The following UHRF2 variants were observed in gnomAD, a reference collection of about 807,000 sequenced individuals.
UHRF2 encodes the protein E3 ubiquitin-protein ligase UHRF2.
UHRF2 carries 23 observed loss-of-function variants against 96.8 expected under a neutral mutation model. That is an observed-to-expected ratio of 0.24 (90% CI 0.17 to 0.34). UHRF2 has a LOEUF of 0.34. Among genes scored for constraint, UHRF2 ranks in the 10% least tolerant of loss-of-function variants. The pLI is 1.00. For synonymous variants in UHRF2, 385 were observed against 332.6 expected (o/e 1.16, Z -1.72); for missense variants, 685 against 981.5 (o/e 0.70, Z 4.04).
chr9:6,472,843 C>G (rs1270964649), intron 4 of UHRF2, among the ~76,000 whole-genome samples: 2 of 152,042 alleles, frequency 1.3e-5, no homozygotes, highest in African/African-American at 4.8e-5. Flanking sequence ...TCCTTAAGAA[C>G]TGGGATTTTT....
intron 4 of UHRF2, among the ~76,000 whole-genome samples, chr9:6,470,070 C>G (rs55849474): frequency 3.3e-5 from 5 of 152,142 alleles, no homozygotes; most frequent in African/African-American, 4.8e-5. Context: ...TGTGAAAATA[C>G]TAATTTAAAA....
chr9:6,425,181 C>A (rs1285234009), intron 2 of UHRF2, among the ~76,000 whole-genome samples: 1 of 152,218 alleles, frequency 6.6e-6, no homozygotes, highest in African/African-American at 2.4e-5. Context: ...AGAGTATCTA[C>A]AAAAAATTAT....
At chr9:6,476,422 T>C (rs777594324) in intron 5 of UHRF2, among the ~76,000 whole-genome samples, 25 of 152,218 alleles carry the variant, frequency 1.6e-4, no homozygotes, top group Non-Finnish European at 3.4e-4. Context: ...TAGTGCTGAT[T>C]GAGCCTTGAA....
chr9:6,506,356 CTT>C lies in UHRF2; in HGVS notation c.*180_*181del. The stretch of plus-strand genomic sequence containing the variant: ...AGTAAGAGGCCCATTTCTCAACTGT[CTT>C]TTAAATATCTAAAGGTAGTTCCTGT... On this transcript the variant is annotated 3_prime_UTR_variant, in exon 16 of 16. Coordinates refer to ENST00000276893, the MANE Select transcript of UHRF2 (RefSeq NM_152896.3). 2 of 728,522 alleles carry C rather than the reference CTT, an allele frequency of 2.7e-6. No homozygotes were observed. Among genetic ancestry groups the C allele is most frequent in the African/African-American group, 1.8e-5 (1 of 55,922 alleles). The allele number at this position is 728,522 out of a possible 1,614,324, so 45.1% of individuals were successfully genotyped here.
At chr9:6,493,992 G>A (rs915961269) in intron 10 of UHRF2, 60 bp downstream of exon 10, 11 of 1,431,254 alleles carry the variant, frequency 7.7e-6, no homozygotes, top group Non-Finnish European at 1.1e-5. Context: ...TTATAGGACT[G>A]TAAATTGTAA....
At chr9:6,434,555 C>G (rs938114692) in intron 3 of UHRF2, among the ~76,000 whole-genome samples, 3 of 152,028 alleles carry the variant, frequency 2.0e-5, no homozygotes. Flanking sequence ...TCTCCTGCCT[C>G]AGCCTCCCAA....
intron 6 of UHRF2, among the ~76,000 whole-genome samples, chr9:6,480,377 C>T (rs1823849249): frequency 6.6e-6 from 1 of 152,194 alleles, no homozygotes; most frequent in South Asian, 2.1e-4. Context: ...CATTTATCCC[C>T]AGCACGAAAA....
chr9:6,500,321 A>T (rs1816220425), intron 13 of UHRF2, among the ~76,000 whole-genome samples: 1 of 152,192 alleles, frequency 6.6e-6, no homozygotes, highest in Non-Finnish European at 1.5e-5. Flanking sequence ...GACTTAAATG[A>T]AAGCAAAGGA....
At chr9:6,458,731 G>C (rs1188623227) in intron 3 of UHRF2, among the ~76,000 whole-genome samples, 1 of 152,074 alleles carries the variant, frequency 6.6e-6, no homozygotes, top group Non-Finnish European at 1.5e-5. Flanking sequence ...ATACCCAAAG[G>C]ATTATAAATC....
At chr9:6,488,981 T>G (rs1025590859) in intron 9 of UHRF2, among the ~76,000 whole-genome samples, 3 of 152,026 alleles carry the variant, frequency 2.0e-5, no homozygotes, top group Non-Finnish European at 4.4e-5. Context: ...GACTAATTTT[T>G]GTATTTTTAG....
intron 6 of UHRF2, 97 bp from the exon 7 acceptor site, chr9:6,481,546 A>C (rs1357689095): frequency 7.8e-6 from 11 of 1,402,618 alleles, no homozygotes; most frequent in Non-Finnish European, 1.1e-5. Context: ...CAAATAATAC[A>C]TCTTAAAACT....
intron 2 of UHRF2, among the ~76,000 whole-genome samples, chr9:6,422,272 G>A (rs1186712385): frequency 1.3e-5 from 2 of 151,724 alleles, no homozygotes; most frequent in African/African-American, 4.8e-5. Context: ...AGTAGAGACG[G>A]GATTTTACCA....
chr9:6,482,651 C>G (rs958854191), intron 8 of UHRF2, among the ~76,000 whole-genome samples: 1 of 147,374 alleles, frequency 6.8e-6, no homozygotes, highest in Non-Finnish European at 1.5e-5. Context: ...GGCTGGAGTG[C>G]AGTGGTGCGA....
At chr9:6,433,875 AAAATT>A (rs1194958944) in intron 2 of UHRF2, 34 bp from the exon 3 acceptor site, 1 of 1,578,502 alleles carries the variant, frequency 6.3e-7, no homozygotes, top group South Asian at 1.2e-5. Flanking sequence ...AGCAGTAGAC[AAAATT>A]AAGCTTCATT....
At chr9:6,446,099 C>G (rs771253964) in intron 3 of UHRF2, among the ~76,000 whole-genome samples, 1 of 150,122 alleles carries the variant, frequency 6.7e-6, no homozygotes, top group African/African-American at 2.5e-5. Flanking sequence ...CTCAGGTGAT[C>G]CTCCTGCCTT....
intron 1 of UHRF2, among the ~76,000 whole-genome samples, chr9:6,414,754 C>A (rs1819494171): frequency 6.6e-6 from 1 of 152,130 alleles, no homozygotes; most frequent in Admixed American, 6.6e-5. Context: ...GCTTAGTCTT[C>A]GAAGACTGTC....
intron 4 of UHRF2, among the ~76,000 whole-genome samples, chr9:6,473,307 G>T (rs1823363325): frequency 1.3e-5 from 2 of 152,190 alleles, no homozygotes; most frequent in Non-Finnish European, 2.9e-5. Flanking sequence ...TAGTAACACA[G>T]TCAGTATGGA....
intron 4 of UHRF2, among the ~76,000 whole-genome samples, chr9:6,464,863 G>A (rs2130859390): frequency 6.6e-6 from 1 of 152,122 alleles, no homozygotes; most frequent in African/African-American, 2.4e-5. Context: ...TCTTAGCTCT[G>A]TGTACTTCCA....
chr9:6,506,403 T>G lies in UHRF2; in HGVS notation c.*224T>G. 1 of 441,404 alleles carries G rather than the reference T, an allele frequency of 2.3e-6. No homozygotes were observed. Among genetic ancestry groups the G allele is most frequent in the East Asian group, 4.1e-5 (1 of 24,584 alleles). 27.3% of individuals were successfully genotyped at this position (441,404 alleles called of 1,614,324 possible). A position where few individuals can be genotyped will look rare whatever the true frequency, so the allele number is the denominator to read the frequency against. On this transcript the variant is annotated 3_prime_UTR_variant, in exon 16 of 16. Coordinates refer to ENST00000276893, the MANE Select transcript of UHRF2 (RefSeq NM_152896.3). ...TCCTGTAACAACTAGTTTTAATGAG[T>G]AAAAAGTCAAAGCCTCAGCTCTAGT...
Sources: allele counts gnomAD v4.1 joint callset (sites outside exome capture counted in the v4.1 genomes callset), GRCh38; gene constraint gnomAD v4.1.1; transcripts MANE v1.5; gene names NCBI Gene and HGNC (gene_info 2026-07-23, HGNC 2026-07-21).